The following GPAT3 variants were observed in gnomAD, a reference collection of about 807,000 sequenced individuals.
GPAT3 encodes the protein glycerol-3-phosphate acyltransferase 3, also known as 1-AGP acyltransferase 9.
A neutral mutation model predicts 58.8 loss-of-function variants in GPAT3; 53 were observed. The ratio of observed to expected loss-of-function variants is 0.90; its 90% confidence interval spans 0.72 to 1.13. The LOEUF (loss-of-function observed/expected upper bound fraction) is 1.13, where lower values mean the gene tolerates loss of function less well. Ranked by LOEUF, GPAT3 falls within the 50% of genes most tolerant of loss-of-function variation. The probability of loss-of-function intolerance (pLI) is 0.00; values close to 1 mark genes in which losing one functional copy is unlikely to be tolerated. For missense variants in GPAT3, 511 were observed against 527.6 expected (o/e 0.97, Z 0.31); for synonymous variants, 197 against 187.4 (o/e 1.05, Z -0.42).
At position 83,595,762 on chromosome 4, in the gene GPAT3, A is replaced by G. The variant is rs148472597; in HGVS notation, c.854+802A>G. Reference sequence around the variant, plus strand: ...TAGAGACAGAGGAATGGGAGAAGGAACCTCTGGGGTTTAGGGTAGAGATGA... The same window carrying G: ...TAGAGACAGAGGAATGGGAGAAGGAGCCTCTGGGGTTTAGGGTAGAGATGA... On this transcript the variant is annotated intron_variant, in intron 7 of 11. Transcript: ENST00000264409. Among the ~76,000 whole-genome samples the G allele has an allele frequency of 6.6e-5, 10 of 152,086 alleles. No individual in the cohort carries two copies. In the East Asian group the frequency reaches 1.9e-3, roughly 29 times the overall value.
chr4:83,538,645 G>A (rs1019341410), intron 1 of GPAT3, among the ~76,000 whole-genome samples: 1 of 152,166 alleles, frequency 6.6e-6, no homozygotes, highest in African/African-American at 2.4e-5. Flanking sequence ...AGCTAAGGAC[G>A]GAGGCCAGCT....
intron 1 of GPAT3, 129 bp from the exon 2 acceptor site, chr4:83,544,407 G>C: frequency 1.1e-6 from 1 of 880,152 alleles, no homozygotes; most frequent in Non-Finnish European, 1.9e-6. Flanking sequence ...GAGATTCCCT[G>C]GGGTTAGCTC....
At chr4:83,595,352 T>G (rs902691161) in intron 7 of GPAT3, 1 of 153,072 alleles carries the variant, frequency 6.5e-6, no homozygotes, top group Admixed American at 6.5e-5. Flanking sequence ...AAAACCACCT[T>G]GAAGGTTAAA....
intron 3 of GPAT3, among the ~76,000 whole-genome samples, chr4:83,583,653 C>A (rs1488299241): frequency 5.3e-4 from 55 of 103,162 alleles, no homozygotes; most frequent in African/African-American, 1.9e-3. Flanking sequence ...GGTGACAGAG[C>A]GAGACTCTTG....
intron 3 of GPAT3, among the ~76,000 whole-genome samples, 178 bp from the exon 4 acceptor site, chr4:83,587,077 C>T (rs989115982): frequency 8.5e-5 from 13 of 152,178 alleles, no homozygotes; most frequent in African/African-American, 1.4e-4. Flanking sequence ...TAAAGTGTGT[C>T]GTGGAACATT....
chr4:83,599,000 G>C (rs1282241306), intron 11 of GPAT3, among the ~76,000 whole-genome samples: 1 of 151,590 alleles, frequency 6.6e-6, no homozygotes, highest in Non-Finnish European at 1.5e-5. Flanking sequence ...TGTTGCTGAG[G>C]CTGGTCTCAA....
At chr4:83,598,490 G>C in intron 10 of GPAT3, 154 bp from the exon 11 acceptor site, 1 of 794,604 alleles carries the variant, frequency 1.3e-6, no homozygotes. Flanking sequence ...TTTCTTTATA[G>C]AACAAATGAT....
In GPAT3 at chr4:83,582,131, A is replaced by T. The variant is rs1726163655; in HGVS notation, c.479+299A>T. ...GAAAAGGGAAGTGAAGAAGAAGAAG[A>T]GGAAGAGGAAGAAGAAGAAGAGAGA... is the stretch of plus-strand genomic sequence containing the variant. On this transcript the variant is annotated intron_variant, in intron 3 of 11. Coordinates refer to ENST00000264409, the MANE Select transcript of GPAT3 (RefSeq NM_032717.5). Among the ~76,000 whole-genome samples the T allele has an allele frequency of 2.6e-5, 4 of 151,414 alleles. No individual in the cohort carries two copies. The South Asian group carries it at 8.3e-4, about 31-fold the overall frequency.
chr4:83,603,600 G>A (rs1560636555), intron 11 of GPAT3, among the ~76,000 whole-genome samples: 1 of 152,084 alleles, frequency 6.6e-6, no homozygotes, highest in Non-Finnish European at 1.5e-5. Context: ...AGACCAGCCT[G>A]GCAAACATGG....
Position 83,554,801 on chromosome 4 carries a change from C to CTT in GPAT3, c.208+10218_208+10219dup, listed in dbSNP as rs34785812. 6.6e-4 allele frequency among the ~76,000 whole-genome samples: 86 copies of CTT among 129,944 alleles called. 1 individual carries two copies. Among genetic ancestry groups the CTT allele is most frequent in the East Asian group, 3.9e-3 (17 of 4,402 alleles). The allele number at this position is 129,944 out of a possible 152,430, so 85.2% of individuals were successfully genotyped here. On this transcript the variant is annotated intron_variant, in intron 2 of 11. Coordinates refer to ENST00000264409, the MANE Select transcript of GPAT3 (RefSeq NM_032717.5). ...ACATGGAATGGAATGGAAGCTCCCTCTTTTTTTTTTTTTTTTTTTTGAGAT... is the reference window on the plus strand; with the variant it reads ...ACATGGAATGGAATGGAAGCTCCCTCTTTTTTTTTTTTTTTTTTTTTTGAGAT...
chr4:83,539,144 G>T (rs549806381), intron 1 of GPAT3, among the ~76,000 whole-genome samples: 2 of 152,270 alleles, frequency 1.3e-5, no homozygotes, highest in East Asian at 1.9e-4. Context: ...TTAGACTGGG[G>T]TTAATACGGT....
At chr4:83,542,414 C>T (rs573771961) in intron 1 of GPAT3, among the ~76,000 whole-genome samples, 1 of 152,066 alleles carries the variant, frequency 6.6e-6, no homozygotes, top group Non-Finnish European at 1.5e-5. Context: ...AGATTAAGAC[C>T]GAGTCTTATG....
At chr4:83,598,224 G>T in intron 10 of GPAT3, 45 bp downstream of exon 10, 1 of 1,582,230 alleles carries the variant, frequency 6.3e-7, no homozygotes. Context: ...GAGGCAAGGA[G>T]ATCTTCACCT....
intron 11 of GPAT3, among the ~76,000 whole-genome samples, chr4:83,602,873 C>A (rs1391201032): frequency 6.6e-6 from 1 of 152,184 alleles, no homozygotes; most frequent in Admixed American, 6.5e-5. Context: ...ATTCTGTGGA[C>A]CTAACAACAA....
chr4:83,539,106 A>G (rs985420538), intron 1 of GPAT3, among the ~76,000 whole-genome samples: 3 of 152,172 alleles, frequency 2.0e-5, no homozygotes, highest in Non-Finnish European at 2.9e-5. Flanking sequence ...CAACTAGAAC[A>G]GTGTTAGATG....
intron 11 of GPAT3, among the ~76,000 whole-genome samples, chr4:83,600,750 C>T (rs1003164575): frequency 1.3e-5 from 2 of 152,096 alleles, no homozygotes; most frequent in Admixed American, 6.5e-5. Context: ...AGGTGATCCA[C>T]CTCAGCCTCC....
chr4:83,561,658 T>C (rs1379212744), intron 2 of GPAT3, among the ~76,000 whole-genome samples: 4 of 152,136 alleles, frequency 2.6e-5, no homozygotes, highest in Admixed American at 6.6e-5. Context: ...GATGTTCCAC[T>C]GGCATACTGT....
At chr4:83,590,086 C>A (rs748500947) in intron 5 of GPAT3, 113 bp from the exon 6 acceptor site, 3 of 920,430 alleles carry the variant, frequency 3.3e-6, no homozygotes, top group Non-Finnish European at 4.8e-6. Flanking sequence ...GAGTGAGACG[C>A]GAAAAAAAAA....
chr4:83,598,398 C>A, intron 10 of GPAT3: 1 of 714,326 alleles, frequency 1.4e-6, no homozygotes, highest in Non-Finnish European at 2.2e-6. Context: ...ATTGAACCTA[C>A]AGATATTATC....
Sources: allele counts gnomAD v4.1 joint callset (sites outside exome capture counted in the v4.1 genomes callset), GRCh38; gene constraint gnomAD v4.1.1; transcripts MANE v1.5; gene names NCBI Gene and HGNC (gene_info 2026-07-23, HGNC 2026-07-21).